KIFC3: variants seen among roughly 807,000 people sequenced by gnomAD.
KIFC3 encodes the protein kinesin-like protein KIFC3.
Under a neutral mutation model 101.8 loss-of-function variants are expected in KIFC3, and 60 were observed. That is an observed-to-expected ratio of 0.59 (90% confidence interval 0.48 to 0.73). The LOEUF (loss-of-function observed/expected upper bound fraction) is 0.73. Among genes scored for constraint, KIFC3 ranks in the 30% least tolerant of loss-of-function variants. The pLI is 0.00. For synonymous variants in KIFC3, 476 were observed against 482.7 expected (o/e 0.99, Z 0.18); for missense variants, 966 against 1,137.1 (o/e 0.85, Z 2.16).
intron 1 of KIFC3, among the ~76,000 whole-genome samples, chr16:57,843,787 A>G (rs1251573278): frequency 6.6e-6 from 1 of 152,120 alleles, no homozygotes; most frequent in Admixed American, 6.6e-5. Context: ...GGCCTAAAGG[A>G]AAACATCTAT....
intron 1 of KIFC3, among the ~76,000 whole-genome samples, chr16:57,811,673 T>C (rs548032743): frequency 1.3e-5 from 2 of 152,182 alleles, no homozygotes; most frequent in African/African-American, 4.8e-5. Flanking sequence ...CCTAGCACTT[T>C]GGGAGGCTGA....
At chr16:57,776,450 C>T (rs1341985889) in intron 3 of KIFC3, 2 of 981,074 alleles carry the variant, frequency 2.0e-6, no homozygotes, top group Middle Eastern at 5.2e-4. Context: ...ATTCTAAAGC[C>T]AGGCTGCCCA....
intron 1 of KIFC3, among the ~76,000 whole-genome samples, chr16:57,836,336 C>T (rs188518415): frequency 6.6e-5 from 10 of 152,280 alleles, no homozygotes; most frequent in Non-Finnish European, 1.5e-4. Flanking sequence ...TGGTCTTGAA[C>T]TCCTGGGCTC....
intron 1 of KIFC3, among the ~76,000 whole-genome samples, chr16:57,836,003 C>A (rs2055677808): frequency 6.6e-6 from 1 of 152,162 alleles, no homozygotes; most frequent in South Asian, 2.1e-4. Context: ...TCTCTCCAGG[C>A]CCTCACTTCC....
At chr16:57,788,493 G>A in intron 3 of KIFC3, 1 of 1,184,322 alleles carries the variant, frequency 8.4e-7, no homozygotes, top group East Asian at 5.8e-5. Context: ...CAGGGCATGG[G>A]GATATCACCA....
Position 57,772,229 on chromosome 16 carries a change from A to C in KIFC3, c.375T>G (p.Ser125=), listed in dbSNP as rs782432063. 6.8e-6 allele frequency: 11 copies of C among 1,613,400 alleles called. No homozygotes were observed. The African/African-American group carries it at 1.3e-4, about 20-fold the overall frequency. ...GACAGCCTTGTGGCCTCACCAGCTC[A>C]GATCGCAGTCGGCTCACTTCCTGGG... is the stretch of plus-strand genomic sequence containing the variant. The part of the protein sequence containing the change: ...SQAQEVSRLR[S]ELGGTDLEKH... Residue 125 remains serine (S), a synonymous_variant, in exon 4 of 20, where the codon TCT becomes TCG. Coordinates refer to ENST00000445690, the MANE Select transcript of KIFC3 (RefSeq NM_001130100.2).
intron 4 of KIFC3, 125 bp downstream of exon 4, chr16:57,772,098 T>C: frequency 1.2e-6 from 1 of 803,152 alleles, no homozygotes; most frequent in Admixed American, 2.3e-5. Context: ...TCTCGGTGTG[T>C]TTCTGAGACA....
rs1267704081 is a variant in KIFC3, at chr16:57,762,181, G to C, written c.1707C>G (p.Thr569=). 1.7e-5 allele frequency: 28 copies of C among 1,608,482 alleles called. No homozygotes were observed. Among genetic ancestry groups the C allele is most frequent in the Non-Finnish European group, 2.4e-5 (28 of 1,178,212 alleles). The change falls in exon 13 of 20, where the codon ACC becomes ACG. Residue 569 remains threonine, a synonymous_variant. Coordinates refer to ENST00000445690, the MANE Select transcript of KIFC3 (RefSeq NM_001130100.2). Reference sequence around the variant, plus strand: ...AGATCTCCGCAGCGCTGACGGTGATGGTGTACTCCCAGTCAGACGCCTTCT... The same window carrying C: ...AGATCTCCGCAGCGCTGACGGTGATCGTGTACTCCCAGTCAGACGCCTTCT... ...VQEKASDWEY[T]ITVSAAEIYN...
chr16:57,824,674 C>G (rs372778954), intron 1 of KIFC3, among the ~76,000 whole-genome samples: 61 of 152,248 alleles, frequency 4.0e-4, no homozygotes, highest in African/African-American at 1.4e-3. Context: ...CAGAGCAAGA[C>G]GCTGTCTCAA....
chr16:57,783,559 C>T (rs1410013050), intron 3 of KIFC3, among the ~76,000 whole-genome samples: 1 of 148,780 alleles, frequency 6.7e-6, no homozygotes, highest in Non-Finnish European at 1.5e-5. Flanking sequence ...TGCAACCTTT[C>T]CCTCCCGGGT....
At chr16:57,760,240 G>T in intron 17 of KIFC3, 42 bp downstream of exon 17, 1 of 1,588,258 alleles carries the variant, frequency 6.3e-7, no homozygotes. Context: ...CAAAGTCTCT[G>T]ACCCAGGGCC....
chr16:57,861,531 G>A (rs1959269964), intron 1 of KIFC3, among the ~76,000 whole-genome samples: 1 of 152,202 alleles, frequency 6.6e-6, no homozygotes, highest in Admixed American at 6.5e-5. Flanking sequence ...TGGTCTGGAT[G>A]TTCCCAAGGA....
intron 1 of KIFC3, among the ~76,000 whole-genome samples, chr16:57,828,126 T>G (rs952408279): frequency 1.3e-5 from 2 of 152,164 alleles, no homozygotes; most frequent in Non-Finnish European, 2.9e-5. Flanking sequence ...CTGAGCAGCC[T>G]CCAGAGGAGA....
chr16:57,826,695 G>A (rs913412388), intron 1 of KIFC3, among the ~76,000 whole-genome samples: 1 of 152,172 alleles, frequency 6.6e-6, no homozygotes, highest in Non-Finnish European at 1.5e-5. Flanking sequence ...AATTGTATCC[G>A]ACCCTCACTT....
intron 1 of KIFC3, among the ~76,000 whole-genome samples, chr16:57,810,331 A>G (rs2055039625): frequency 6.6e-6 from 1 of 152,124 alleles, no homozygotes; most frequent in African/African-American, 2.4e-5. Context: ...TTTAAACTGT[A>G]GCTTCGCTTT....
upstream of KIFC3, among the ~76,000 whole-genome samples, chr16:57,806,912 G>C (rs1269535722): frequency 6.6e-6 from 1 of 152,178 alleles, no homozygotes; most frequent in African/African-American, 2.4e-5. Flanking sequence ...TTCATCATGA[G>C]CACCGCAGAA....
At chr16:57,797,731 G>A (rs1196116989) in intron 2 of KIFC3, 79 of 1,202,482 alleles carry the variant, frequency 6.6e-5, no homozygotes, top group Non-Finnish European at 8.0e-5. Context: ...GGCAGAGACC[G>A]GAGCTAGCCC....
At chr16:57,832,908 A>G (rs1555479652) in intron 1 of KIFC3, among the ~76,000 whole-genome samples, 1 of 152,048 alleles carries the variant, frequency 6.6e-6, no homozygotes, top group African/African-American at 2.4e-5. Context: ...CCTTTCTTTT[A>G]TTAAAAATAT....
At chr16:57,770,772 C>CA in intron 6 of KIFC3, 72 bp from the exon 7 acceptor site, 1 of 1,273,356 alleles carries the variant, frequency 7.9e-7, no homozygotes, top group Non-Finnish European at 1.0e-6. Context: ...TGAGACGCAG[C>CA]AGGCCAGGGG....
Sources: allele counts gnomAD v4.1 joint callset (sites outside exome capture counted in the v4.1 genomes callset), GRCh38; gene constraint gnomAD v4.1.1; transcripts MANE v1.5; gene names NCBI Gene and HGNC (gene_info 2026-07-23, HGNC 2026-07-21).